The following SNRK variants were observed in gnomAD, a reference collection of about 807,000 sequenced individuals.
The protein encoded by SNRK is SNF related kinase, also known as SNF-related serine/threonine-protein kinase.
A neutral mutation model predicts 48.2 loss-of-function variants in SNRK; 3 were observed. The observed-to-expected ratio is 0.06, with a 90% CI of 0.03 to 0.16. SNRK has a LOEUF of 0.16. Among genes scored for constraint, SNRK ranks in the 10% least tolerant of loss-of-function variants. The pLI, the probability that SNRK is intolerant of heterozygous loss-of-function variation, is 1.00. For synonymous variants in SNRK, 376 were observed against 366.1 expected, an observed-to-expected ratio of 1.03 and a Z score of -0.31; for missense variants, 627 against 976.0, an observed-to-expected ratio of 0.64 and a Z score of 4.76.
intron 4 of SNRK, among the ~76,000 whole-genome samples, chr3:43,338,773 A>T (rs992509355): frequency 1.1e-4 from 17 of 151,788 alleles, no homozygotes; most frequent in Non-Finnish European, 1.2e-4. Flanking sequence ...TTTTAGTTAC[A>T]CTGATTATTT....
chr3:43,350,119 A>T lies in SNRK; in HGVS notation c.*1562A>T, dbSNP rs1473828730. 6.6e-6 allele frequency: 1 copy of T among 152,656 alleles called. No individual in the cohort carries two copies. The highest frequency in any genetic ancestry group is 2.4e-5 in the African/African-American group (1 of 41,468). 9.5% of individuals were successfully genotyped at this position (152,656 alleles called of 1,614,324 possible). A position where few individuals can be genotyped will look rare whatever the true frequency, so the allele number is the denominator to read the frequency against. On this transcript the variant is annotated 3_prime_UTR_variant, in exon 7 of 7. Transcript: ENST00000296088. Reference sequence around the variant, plus strand: ...ATTTCACAGTATACTTACTAAACTAAGTAAAAATGATACTTAAAATACTTA... The same window carrying T: ...ATTTCACAGTATACTTACTAAACTATGTAAAAATGATACTTAAAATACTTA...
rs2091306433 is a variant in SNRK at position 43,349,508 on chromosome 3, T to C, written c.*951T>C. ...TACTGGAATTTGGTTTTTAGGAGTT[T>C]GGTAATTAGATTATCTCTTTTGTTA... is the stretch of plus-strand genomic sequence containing the variant. On this transcript the variant is annotated 3_prime_UTR_variant, in exon 7 of 7. Transcript: ENST00000296088. 1 of 152,240 alleles carries C rather than the reference T, an allele frequency of 6.6e-6. No homozygotes were observed. Among genetic ancestry groups the C allele is most frequent in the South Asian group, 2.1e-4 (1 of 4,834 alleles). The allele number at this position is 152,240 out of a possible 1,614,324, so 9.4% of individuals were successfully genotyped here. A position where few individuals can be genotyped will look rare whatever the true frequency, so the allele number is the denominator to read the frequency against.
rs370926993 is a variant in SNRK at position 43,290,521 on chromosome 3, C to T, written c.-169+3846C>T. 2.9e-4 allele frequency among the ~76,000 whole-genome samples: 44 copies of T among 152,312 alleles called. No individual in the cohort carries two copies. The South Asian group carries it at 8.9e-3, about 31-fold the overall frequency. On this transcript the variant is annotated intron_variant, in intron 1 of 6. Coordinates refer to ENST00000296088, the MANE Select transcript of SNRK (RefSeq NM_017719.5). Reference sequence around the variant, plus strand: ...CTGTGCATTGAGTTCTTGGATTCTACTTCCAAAATGTGTCTCCTCCACAAC... The same window carrying T: ...CTGTGCATTGAGTTCTTGGATTCTATTTCCAAAATGTGTCTCCTCCACAAC...
Position 43,340,458 on chromosome 3 carries a change from C to T in SNRK, c.903C>T (p.Arg301=), listed in dbSNP as rs761471379. The change falls in exon 5 of 7, where the codon CGC becomes CGT. Residue 301 remains arginine (R), a synonymous_variant. Coordinates refer to ENST00000296088, the MANE Select transcript of SNRK (RefSeq NM_017719.5). ...SEEEHNSIIQ[R]MVLGDIADRD... ...AGGAGCACAACAGCATCATTCAGCG[C>T]ATGGTGCTTGGGGACATAGCGGATC... 1.2e-6 allele frequency: 2 copies of T among 1,614,168 alleles called. No homozygotes were observed. The highest frequency in any genetic ancestry group is 1.6e-4 in the Middle Eastern group (1 of 6,062).
At chr3:43,327,756 C>T (rs1359587527) in intron 3 of SNRK, among the ~76,000 whole-genome samples, 1 of 152,080 alleles carries the variant, frequency 6.6e-6, no homozygotes, top group Non-Finnish European at 1.5e-5. Context: ...TGAACTCTAC[C>T]CCAACCCTAG....
At position 43,349,725 on chromosome 3, in the gene SNRK, A is replaced by G. The variant is rs1239361043; in HGVS notation, c.*1168A>G. The stretch of plus-strand genomic sequence containing the variant: ...CAATAATCAAAGAACTCTTGCTTTA[A>G]CCTATTCCTGTACAAAGACTGTTTT... On this transcript the variant is annotated 3_prime_UTR_variant, in exon 7 of 7. Coordinates refer to ENST00000296088, the MANE Select transcript of SNRK (RefSeq NM_017719.5). 1 of 152,272 alleles carries G rather than the reference A, an allele frequency of 6.6e-6. No homozygotes were observed. Among genetic ancestry groups the G allele is most frequent in the Non-Finnish European group, 1.5e-5 (1 of 68,052 alleles). 9.4% of individuals were successfully genotyped at this position (152,272 alleles called of 1,614,324 possible).
intron 1 of SNRK, among the ~76,000 whole-genome samples, chr3:43,290,086 A>G (rs1005524760): frequency 6.6e-6 from 1 of 152,178 alleles, no homozygotes; most frequent in African/African-American, 2.4e-5. Flanking sequence ...TCGCAGCCTC[A>G]CTGGGCCTCA....
At chr3:43,287,458 A>G (rs2090775561) in intron 1 of SNRK, among the ~76,000 whole-genome samples, 1 of 152,136 alleles carries the variant, frequency 6.6e-6, no homozygotes. Context: ...CAGTAGTTTC[A>G]TAGGGAGTTT....
intron 3 of SNRK, among the ~76,000 whole-genome samples, chr3:43,321,712 C>T (rs1298875919): frequency 6.6e-6 from 1 of 152,134 alleles, no homozygotes; most frequent in Non-Finnish European, 1.5e-5. Flanking sequence ...ACACGGTGTG[C>T]GCCTCTCCTT....
At chr3:43,331,586 G>T (rs1233533713) in intron 3 of SNRK, among the ~76,000 whole-genome samples, 1 of 152,138 alleles carries the variant, frequency 6.6e-6, no homozygotes, top group Non-Finnish European at 1.5e-5. Flanking sequence ...GCTGAAATGT[G>T]TCTCTTAAGT....
At chr3:43,309,012 G>C (rs769586423) in intron 3 of SNRK, among the ~76,000 whole-genome samples, 1 of 152,162 alleles carries the variant, frequency 6.6e-6, no homozygotes, top group Non-Finnish European at 1.5e-5. Flanking sequence ...TTCACAGTTT[G>C]TGGAGGAAAT....
At chr3:43,307,797 A>C (rs1410618184) in intron 3 of SNRK, among the ~76,000 whole-genome samples, 4 of 152,206 alleles carry the variant, frequency 2.6e-5, no homozygotes, top group African/African-American at 9.6e-5. Context: ...GTTCAAGTGA[A>C]AGGAAGAGTG....
At chr3:43,299,472 G>A (rs1376643990) in intron 1 of SNRK, among the ~76,000 whole-genome samples, 3 of 152,032 alleles carry the variant, frequency 2.0e-5, no homozygotes, top group Non-Finnish European at 2.9e-5. Flanking sequence ...CACCGCACCC[G>A]GCCTTGTTCA....
intron 4 of SNRK, among the ~76,000 whole-genome samples, chr3:43,339,281 A>C (rs1414638630): frequency 6.6e-6 from 1 of 152,160 alleles, no homozygotes; most frequent in East Asian, 1.9e-4. Context: ...TTATCCTTAC[A>C]CTGAAGCTGG....
At chr3:43,319,112 C>T (rs1321647321) in intron 3 of SNRK, among the ~76,000 whole-genome samples, 1 of 151,874 alleles carries the variant, frequency 6.6e-6, no homozygotes, top group South Asian at 2.1e-4. Flanking sequence ...CTGAGATGGG[C>T]CAGGTGGGAC....
intron 3 of SNRK, 100 bp from the exon 4 acceptor site, chr3:43,332,069 G>A (rs376613786): frequency 7.8e-6 from 7 of 896,012 alleles, no homozygotes; most frequent in African/African-American, 1.7e-5. Flanking sequence ...AGATATAAAT[G>A]CTTTTGACTG....
chr3:43,326,286 G>C (rs1353165810), intron 3 of SNRK, among the ~76,000 whole-genome samples: 1 of 152,052 alleles, frequency 6.6e-6, no homozygotes, highest in African/African-American at 2.4e-5. Context: ...GTATGTGTGT[G>C]TGTGTGTAGG....
At position 43,347,285 on chromosome 3, in the gene SNRK, T is replaced by C; in HGVS notation, c.1080-54T>C. 6.7e-7 allele frequency: 1 copy of C among 1,494,400 alleles called. No individual in the cohort carries two copies. The highest frequency in any genetic ancestry group is 1.4e-5 in the South Asian group (1 of 73,884). 92.6% of individuals were successfully genotyped at this position (1,494,400 alleles called of 1,614,324 possible). A position where few individuals can be genotyped will look rare whatever the true frequency, so the allele number is the denominator to read the frequency against. On this transcript the variant is annotated intron_variant, in intron 6 of 6. Transcript: ENST00000296088. The surrounding 1 kb of genome is among the most constrained non-coding windows in gnomAD (Gnocchi z 5.4). ...AAGTTCATTGTGATGTACTTTACTA[T>C]CATCTGCATAATGATTATATGGCTT...
intron 1 of SNRK, among the ~76,000 whole-genome samples, chr3:43,297,641 T>C (rs11129998): frequency 0.98 from 149,084 of 152,020 alleles, 73,169 homozygotes; most frequent in East Asian, 1. Context: ...TTCTCCTGAA[T>C]TAAACAGATT....
Sources: allele counts gnomAD v4.1 joint callset (sites outside exome capture counted in the v4.1 genomes callset), GRCh38; gene constraint gnomAD v4.1.1; non-coding constraint Gnocchi (gnomAD v3.1); transcripts MANE v1.5; gene names NCBI Gene and HGNC (gene_info 2026-07-23, HGNC 2026-07-21).